Variants in LYZL4 observed in about 807,000 individuals in gnomAD.
LYZL4 encodes the protein lysozyme-like protein 4.
In LYZL4, 13 loss-of-function variants were observed where a neutral mutation model predicts 17.6. That is an observed-to-expected ratio of 0.74 (90% CI 0.48 to 1.18). The LOEUF (loss-of-function observed/expected upper bound fraction) is 1.18, where lower values mean the gene tolerates loss of function less well. Ranked by LOEUF, LYZL4 falls within the 50% of genes most tolerant of loss-of-function variation. The pLI, the probability that LYZL4 is intolerant of heterozygous loss-of-function variation, is 0.00. For synonymous variants in LYZL4, 64 were observed against 67.7 expected (o/e 0.95, Z 0.27); for missense variants, 174 against 188.2 (o/e 0.92, Z 0.44).
intron 4 of LYZL4, among the ~76,000 whole-genome samples, chr3:42,397,812 A>G (rs1426024589): frequency 6.6e-6 from 1 of 151,916 alleles, no homozygotes; most frequent in East Asian, 1.9e-4. Flanking sequence ...CACCTTCCAA[A>G]ATTCCTTCCA....
the LYZL4 span, among the ~76,000 whole-genome samples, chr3:42,382,051 AGAG>A: frequency 6.6e-6 from 1 of 152,266 alleles, no homozygotes; most frequent in Non-Finnish European, 1.5e-5. Flanking sequence ...CCAATTCTAG[AGAG>A]GAGAAGAAGT....
chr3:42,398,298 C>T (rs1577151051), intron 4 of LYZL4, among the ~76,000 whole-genome samples: 1 of 152,168 alleles, frequency 6.6e-6, no homozygotes, highest in East Asian at 1.9e-4. Flanking sequence ...GCTTAATTAG[C>T]TTCCTTCACT....
the LYZL4 span, among the ~76,000 whole-genome samples, chr3:42,369,636 G>A: frequency 6.6e-6 from 1 of 152,236 alleles, no homozygotes; most frequent in African/African-American, 2.4e-5. Flanking sequence ...CAGACACAGA[G>A]TTGGGGAGGG....
chr3:42,364,930 C>A, the LYZL4 span, among the ~76,000 whole-genome samples: 1 of 152,112 alleles, frequency 6.6e-6, no homozygotes, highest in Non-Finnish European at 1.5e-5. Flanking sequence ...TAGCCTTGGT[C>A]TTGCCTTGTC....
the LYZL4 span, among the ~76,000 whole-genome samples, chr3:42,369,338 G>T: frequency 2.6e-5 from 4 of 152,162 alleles, no homozygotes; most frequent in African/African-American, 9.7e-5. Context: ...AATTAATTTA[G>T]GGTCTTATTT....
chr3:42,386,566 A>T, the LYZL4 span, among the ~76,000 whole-genome samples: 1 of 152,140 alleles, frequency 6.6e-6, no homozygotes, highest in Admixed American at 6.5e-5. Context: ...GGGGACTAGG[A>T]CATGTATATC....
the LYZL4 span, among the ~76,000 whole-genome samples, chr3:42,386,180 G>T: frequency 6.6e-5 from 10 of 151,940 alleles, no homozygotes; most frequent in African/African-American, 2.2e-4. Context: ...TTGGCTCACT[G>T]CAACTTCCAC....
the LYZL4 span, among the ~76,000 whole-genome samples, chr3:42,361,568 AAT>A: frequency 6.8e-6 from 1 of 145,998 alleles, no homozygotes; most frequent in African/African-American, 2.8e-5. Flanking sequence ...CTCTTAAAAA[AAT>A]TTTTTTTTTT....
rs753322881 is a variant in LYZL4 at position 42,397,349 on chromosome 3, G to C, written c.372-15C>G. 1.0e-5 allele frequency: 16 copies of C among 1,551,154 alleles called. No homozygotes were observed. The highest frequency in any genetic ancestry group is 1.3e-5 in the Non-Finnish European group (15 of 1,141,936). On this transcript the variant is annotated splice_polypyrimidine_tract_variant and intron_variant, in intron 4 of 4. Transcript: ENST00000287748. ...ACCAGGTGGGCCTGTGGAGAGAAGT[G>C]AACAGGAAGGGCTCCTCAAAGTCAG...
chr3:42,396,014 A>G (rs1172613189), downstream of LYZL4, among the ~76,000 whole-genome samples: 1 of 152,180 alleles, frequency 6.6e-6, no homozygotes, highest in African/African-American at 2.4e-5. Context: ...GTGAGCCGAG[A>G]TCGCGCCATT....
chr3:42,402,263 G>A (rs1698669177), intron 4 of LYZL4, among the ~76,000 whole-genome samples: 1 of 150,472 alleles, frequency 6.6e-6, no homozygotes, highest in Non-Finnish European at 1.5e-5. Flanking sequence ...CTATGATAAT[G>A]CCACTGCACT....
the LYZL4 span, among the ~76,000 whole-genome samples, chr3:42,384,951 T>C: frequency 2.0e-5 from 3 of 152,164 alleles, no homozygotes; most frequent in Non-Finnish European, 4.4e-5. Context: ...GTTGAATATG[T>C]TTTTTTCTTT....
intron 4 of LYZL4, among the ~76,000 whole-genome samples, chr3:42,401,745 T>TA (rs971341792): frequency 1.3e-5 from 2 of 151,364 alleles, no homozygotes; most frequent in South Asian, 2.1e-4. Context: ...ATTCATGATT[T>TA]AAAAAAAAAC....
intron 4 of LYZL4, 150 bp from the exon 5 acceptor site, chr3:42,397,484 T>G (rs1273286508): frequency 1.6e-6 from 1 of 608,880 alleles, no homozygotes; most frequent in Non-Finnish European, 3.0e-6. Flanking sequence ...CTGAAGGCTT[T>G]TGTGCATCTC....
At chr3:42,383,264 A>G in the LYZL4 span, among the ~76,000 whole-genome samples, 1 of 152,112 alleles carries the variant, frequency 6.6e-6, no homozygotes, top group Non-Finnish European at 1.5e-5. Flanking sequence ...GGGGCAGCCA[A>G]GCCTATATAC....
At chr3:42,390,583 C>A in the LYZL4 span, among the ~76,000 whole-genome samples, 3 of 151,956 alleles carry the variant, frequency 2.0e-5, no homozygotes, top group Non-Finnish European at 4.4e-5. Context: ...CTCTGTCACC[C>A]AGGCTGGAGT....
intron 3 of LYZL4, among the ~76,000 whole-genome samples, chr3:42,405,713 T>TA (rs1432853810): frequency 6.6e-6 from 1 of 152,072 alleles, no homozygotes; most frequent in East Asian, 1.9e-4. Flanking sequence ...CCCAGCTATG[T>TA]AGCCTCTTGG....
At chr3:42,374,242 G>A in the LYZL4 span, among the ~76,000 whole-genome samples, 710 of 152,294 alleles carry the variant, frequency 4.7e-3, 2 homozygotes, top group African/African-American at 0.016. Flanking sequence ...AAGGTTGATC[G>A]ATTTGCTGTG....
chr3:42,364,105 A>G, the LYZL4 span, among the ~76,000 whole-genome samples: 1 of 152,092 alleles, frequency 6.6e-6, no homozygotes, highest in African/African-American at 2.4e-5. Flanking sequence ...CTACCTCCCT[A>G]TCTCCCCTGG....
Sources: gnomAD v4.1 joint callset for allele counts (sites outside exome capture counted in the v4.1 genomes callset) on GRCh38, gnomAD v4.1.1 for gene constraint, MANE v1.5 for transcripts, NCBI Gene and HGNC (gene_info 2026-07-23, HGNC 2026-07-21) for gene names.